CAMK1D: variants seen among roughly 807,000 people sequenced by gnomAD.
CAMK1D encodes the protein calcium/calmodulin dependent protein kinase ID.
In CAMK1D, 9 loss-of-function variants were observed where a neutral mutation model predicts 47.7. The observed-to-expected ratio is 0.19, with a 90% confidence interval of 0.11 to 0.33. The LOEUF (loss-of-function observed/expected upper bound fraction) is 0.33, where lower values mean the gene tolerates loss of function less well. Ranked by LOEUF, CAMK1D falls within the 10% of genes least tolerant of loss-of-function variation. The pLI is 1.00. For synonymous variants in CAMK1D, 184 were observed against 184.9 expected (o/e 0.99, Z 0.04); for missense variants, 291 against 488.7 (o/e 0.60, Z 3.81).
chr10:12,613,100 A>G (rs1490748485), intron 2 of CAMK1D, among the ~76,000 whole-genome samples: 5 of 152,164 alleles, frequency 3.3e-5, no homozygotes, highest in South Asian at 2.1e-4. Context: ...GTTGAGGGCT[A>G]ATTAACTCCA....
At chr10:12,670,350 C>G (rs891327357) in intron 3 of CAMK1D, among the ~76,000 whole-genome samples, 4 of 151,948 alleles carry the variant, frequency 2.6e-5, no homozygotes, top group Non-Finnish European at 4.4e-5. Flanking sequence ...TCAGATCTTT[C>G]GCTCAATCTT....
chr10:12,573,777 C>G lies in CAMK1D; in HGVS notation c.224+20421C>G, dbSNP rs533256211. On this transcript the variant is annotated intron_variant, in intron 2 of 10. Transcript: ENST00000619168. ...TCAAGGGATCCTCCCACCTCAGCCTCGCAAGTAGCTGGGATTACAAGCACG... is the reference window on the plus strand; with the variant it reads ...TCAAGGGATCCTCCCACCTCAGCCTGGCAAGTAGCTGGGATTACAAGCACG... Among the ~76,000 whole-genome samples, 28 of 149,124 alleles carry G rather than the reference C, an allele frequency of 1.9e-4. No homozygotes were observed. The Admixed American group carries it at 1.9e-3, about 10-fold the overall frequency.
intron 3 of CAMK1D, among the ~76,000 whole-genome samples, chr10:12,672,877 A>C (rs1169149646): frequency 1.6e-5 from 2 of 127,234 alleles, no homozygotes; most frequent in Admixed American, 1.5e-4. Context: ...TTTTCATGTA[A>C]GTTTTAGAAT....
At chr10:12,451,272 G>A (rs1027766906) in intron 1 of CAMK1D, among the ~76,000 whole-genome samples, 3 of 152,218 alleles carry the variant, frequency 2.0e-5, no homozygotes. Context: ...GTAGTCTGTG[G>A]GCTTCCCACG....
At chr10:12,801,481 T>C (rs1009515112) in intron 6 of CAMK1D, among the ~76,000 whole-genome samples, 1 of 151,718 alleles carries the variant, frequency 6.6e-6, no homozygotes, top group Non-Finnish European at 1.5e-5. Flanking sequence ...TATCTATCCA[T>C]TCATCCATCC....
intron 2 of CAMK1D, among the ~76,000 whole-genome samples, chr10:12,605,472 T>G (rs921198991): frequency 4.6e-5 from 7 of 151,878 alleles, no homozygotes; most frequent in African/African-American, 1.7e-4. Context: ...CCAAAAGCAT[T>G]TAGCCCTGGC....
chr10:12,738,904 T>A (rs1835298057), intron 3 of CAMK1D, among the ~76,000 whole-genome samples: 1 of 152,054 alleles, frequency 6.6e-6, no homozygotes, highest in African/African-American at 2.4e-5. Flanking sequence ...AAAATTACCT[T>A]ATGAGGTATG....
rs548160516 is a variant in CAMK1D at position 12,643,949 on chromosome 10, T to C, written c.225-22787T>C. On this transcript the variant is annotated intron_variant, in intron 2 of 10. Transcript: ENST00000619168. ...TGTCTCCCATCACCCCCAGAGGAGA[T>C]TGTCTAGTTTCAGGAAAACAAGCTC... 2.6e-5 allele frequency among the ~76,000 whole-genome samples: 4 copies of C among 152,010 alleles called. No individual in the cohort carries two copies. In the South Asian group the frequency reaches 8.3e-4, roughly 32 times the overall value.
At chr10:12,584,515 C>T (rs143141783) in intron 2 of CAMK1D, among the ~76,000 whole-genome samples, 7 of 152,296 alleles carry the variant, frequency 4.6e-5, no homozygotes, top group African/African-American at 1.7e-4. Flanking sequence ...GAAGAGGGAT[C>T]TGAGACTCAG....
chr10:12,362,447 T>C (rs2131842831), intron 1 of CAMK1D, among the ~76,000 whole-genome samples: 1 of 152,258 alleles, frequency 6.6e-6, no homozygotes, highest in Middle Eastern at 3.4e-3. Context: ...AATGGTGTAG[T>C]ATTTGCATAT....
chr10:12,640,214 T>A (rs1303108833), intron 2 of CAMK1D, among the ~76,000 whole-genome samples: 1 of 152,154 alleles, frequency 6.6e-6, no homozygotes, highest in Admixed American at 6.5e-5. Context: ...AATTTCTGAT[T>A]TTGTTTGCTG....
chr10:12,367,651 C>T (rs1239567885), intron 1 of CAMK1D, among the ~76,000 whole-genome samples: 2 of 152,106 alleles, frequency 1.3e-5, no homozygotes, highest in African/African-American at 4.8e-5. Context: ...ATAAGGAGCA[C>T]ACAACCTAGA....
rs564460782 is a variant in CAMK1D, at chr10:12,439,538, G to A, written c.92+89628G>A. ...GCTCTCACCAGTCCTCCTCCCTGCT[G>A]TAGGTAGTGTTGTCAATGTGCACAT... On this transcript the variant is annotated intron_variant, in intron 1 of 10. Transcript: ENST00000619168. 5.9e-5 allele frequency among the ~76,000 whole-genome samples: 9 copies of A among 152,304 alleles called. No homozygotes were observed. In the East Asian group the frequency reaches 9.6e-4, roughly 16 times the overall value.
chr10:12,818,544 G>T (rs1832895962), intron 8 of CAMK1D, among the ~76,000 whole-genome samples: 1 of 152,112 alleles, frequency 6.6e-6, no homozygotes, highest in South Asian at 2.1e-4. Flanking sequence ...GGTGGTGTGT[G>T]CCTGTAATCC....
At chr10:12,827,959 C>T (rs1588976573) in intron 10 of CAMK1D, among the ~76,000 whole-genome samples, 2 of 152,262 alleles carry the variant, frequency 1.3e-5, no homozygotes. Flanking sequence ...AGATTACAGG[C>T]GTCAGCCACC....
chr10:12,719,139 G>A (rs533995950), intron 3 of CAMK1D, among the ~76,000 whole-genome samples: 34 of 152,190 alleles, frequency 2.2e-4, no homozygotes, highest in Non-Finnish European at 4.4e-4. Context: ...CGGGCACAGT[G>A]CTCACATCTG....
At chr10:12,368,078 G>A (rs967641735) in intron 1 of CAMK1D, among the ~76,000 whole-genome samples, 1 of 152,102 alleles carries the variant, frequency 6.6e-6, no homozygotes, top group Non-Finnish European at 1.5e-5. Flanking sequence ...TGTAGTCCCA[G>A]CTACTCGGGA....
chr10:12,456,178 C>T (rs1833237825), intron 1 of CAMK1D, among the ~76,000 whole-genome samples: 1 of 152,056 alleles, frequency 6.6e-6, no homozygotes, highest in Non-Finnish European at 1.5e-5. Flanking sequence ...TTGGGGATCC[C>T]CTGAATTGGA....
chr10:12,396,553 T>C (rs896513447), intron 1 of CAMK1D, among the ~76,000 whole-genome samples: 3 of 152,258 alleles, frequency 2.0e-5, no homozygotes, highest in African/African-American at 7.2e-5. Flanking sequence ...CCCTCTGTGA[T>C]GTAAGGGCTA....
Sources: gnomAD v4.1 joint callset for allele counts (sites outside exome capture counted in the v4.1 genomes callset) on GRCh38, gnomAD v4.1.1 for gene constraint, MANE v1.5 for transcripts, NCBI Gene and HGNC (gene_info 2026-07-23, HGNC 2026-07-21) for gene names.